Variants in CEBPZ observed in about 807,000 individuals in gnomAD.
CEBPZ encodes the protein CCAAT/enhancer-binding protein zeta.
CEBPZ carries 78 observed loss-of-function variants against 104.5 expected under a neutral mutation model. The observed-to-expected ratio is 0.75, with a 90% CI of 0.62 to 0.90. The LOEUF is 0.90. Ranked by LOEUF, CEBPZ falls within the 40% of genes least tolerant of loss-of-function variation. The pLI is 0.00. For missense variants in CEBPZ, 1,439 were observed against 1,233.5 expected (o/e 1.17, Z -2.50); for synonymous variants, 470 against 427.0 (o/e 1.10, Z -1.24).
intron 2 of CEBPZ, 133 bp downstream of exon 2, chr2:37,227,411 C>T (rs887277669): frequency 7.4e-6 from 5 of 676,962 alleles, no homozygotes; most frequent in Admixed American, 3.0e-5. Context: ...TTGAAGGTGG[C>T]GAGTAGCAAG....
Position 37,201,622 on chromosome 2 carries a change from AG to A in CEBPZ, c.*141del. ...ATGCTTCCACATGACTTTATAAATG[AG>A]AGCTATTTTTATTTATAGTTTATTA... On this transcript the variant is annotated 3_prime_UTR_variant, in exon 16 of 16. Coordinates refer to ENST00000234170, the MANE Select transcript of CEBPZ (RefSeq NM_005760.3). 1 of 696,610 alleles carries A rather than the reference AG, an allele frequency of 1.4e-6. No individual in the cohort carries two copies. The highest frequency in any genetic ancestry group is 1.7e-5 in the South Asian group (1 of 60,392). 43.2% of individuals were successfully genotyped at this position (696,610 alleles called of 1,614,324 possible).
chr2:37,228,313 T>C lies in CEBPZ; in HGVS notation c.880A>G (p.Ile294Val), dbSNP rs376269100. 1 of 1,614,082 alleles carries C rather than the reference T, an allele frequency of 6.2e-7. No homozygotes were observed. The highest frequency in any genetic ancestry group is 1.3e-5 in the African/African-American group (1 of 74,938). Residue 294 changes from isoleucine (I) to valine (V), a missense_variant, in exon 2 of 16, where the codon ATC becomes GTC. Coordinates refer to ENST00000234170, the MANE Select transcript of CEBPZ (RefSeq NM_005760.3). ...CGATTGTCTGGCAAAAGGTCTGTGA[T>C]AAGCAACTCTTTGAAAGTATCCAAG... The part of the protein sequence containing the change: ...MALDTFKELL[I>V]TDLLPDNRKL...
At chr2:37,213,758 A>G (rs906275852) in intron 10 of CEBPZ, 106 bp downstream of exon 10, 6 of 715,618 alleles carry the variant, frequency 8.4e-6, no homozygotes, top group Admixed American at 6.0e-5. Context: ...TGATATTCTT[A>G]GCTAAGTGAT....
At chr2:37,212,510 A>C (rs981639943) in intron 10 of CEBPZ, 118 bp from the exon 11 acceptor site, 4 of 820,534 alleles carry the variant, frequency 4.9e-6, no homozygotes, top group Non-Finnish European at 8.1e-6. Flanking sequence ...GTGAACACCA[A>C]AACAATGTAA....
Position 37,201,734 on chromosome 2 carries a change from G to C in CEBPZ, c.*30C>G. The C allele has an allele frequency of 8.1e-7, 1 of 1,234,550 alleles. No homozygotes were observed. Among genetic ancestry groups the C allele is most frequent in the African/African-American group, 1.5e-5 (1 of 67,000 alleles). The allele number at this position is 1,234,550 out of a possible 1,614,324, so 76.5% of individuals were successfully genotyped here. On this transcript the variant is annotated 3_prime_UTR_variant, in exon 16 of 16. Coordinates refer to ENST00000234170, the MANE Select transcript of CEBPZ (RefSeq NM_005760.3). ...GAACAGCAAAAATTAGATGTAAGTAGAATTTTAATCTATAATTTACATTAA... is the reference window on the plus strand; with the variant it reads ...GAACAGCAAAAATTAGATGTAAGTACAATTTTAATCTATAATTTACATTAA...
Position 37,231,501 on chromosome 2 carries a change from C to T in CEBPZ, c.67G>A (p.Glu23Lys). 1 of 1,614,250 alleles carries T rather than the reference C, an allele frequency of 6.2e-7. No homozygotes were observed. The highest frequency in any genetic ancestry group is 1.3e-5 in the African/African-American group (1 of 75,070). ...TCCTCATCCTCCTCGTCCGGATCTT[C>T]TACTGCCTCCTCGGGGCGCCAAGGC... ...KRPWRPEEAVEDPDEEDEDNT... is the reference protein window; with the variant it reads ...KRPWRPEEAVKDPDEEDEDNT... The change falls in exon 1 of 16, where the codon GAA (glutamate) becomes AAA (lysine). Residue 23 changes from glutamate to lysine, a missense_variant. By Grantham distance (56) the Glu-to-Lys change is moderately conservative (BLOSUM62 1). Coordinates refer to ENST00000234170, the MANE Select transcript of CEBPZ (RefSeq NM_005760.3).
intron 13 of CEBPZ, chr2:37,209,225 C>T (rs2148344538): frequency 6.6e-6 from 1 of 152,102 alleles, no homozygotes; most frequent in East Asian, 1.9e-4. Flanking sequence ...CTGCCAAAAG[C>T]AATCTATAAA....
In CEBPZ at chr2:37,202,984, A is replaced by G; in HGVS notation, c.2909T>C (p.Leu970Ser). Reference protein sequence around the residue: ...FQGPRKKKRNLNDSSLFVSAE... With the variant: ...FQGPRKKKRNSNDSSLFVSAE... ...AGATACAAATAGGCTGGAATCATTT[A>G]AGTTTCTTTTCTTTTTTCTTGGCCC... Residue 970 changes from leucine to serine, a missense_variant, in exon 14 of 16, where the codon TTA becomes TCA. Transcript: ENST00000234170. 1 of 1,554,876 alleles carries G rather than the reference A, an allele frequency of 6.4e-7. No individual in the cohort carries two copies. Among genetic ancestry groups the G allele is most frequent in the Non-Finnish European group, 8.7e-7 (1 of 1,154,230 alleles).
intron 13 of CEBPZ, 125 bp from the exon 14 acceptor site, chr2:37,203,133 A>G: frequency 1.7e-6 from 1 of 575,614 alleles, no homozygotes; most frequent in South Asian, 3.2e-5. Flanking sequence ...ATCTTCTGGC[A>G]CCATTGGGTA....
chr2:37,222,625 G>T, intron 3 of CEBPZ, 62 bp from the exon 4 acceptor site: 1 of 1,226,882 alleles, frequency 8.2e-7, no homozygotes, highest in Non-Finnish European at 1.1e-6. Flanking sequence ...TAAAGTCTGT[G>T]CTCCATTATG....
Position 37,227,771 on chromosome 2 carries a change from T to A in CEBPZ, c.1422A>T (p.Lys474Asn). ...GCATTTTTGATTCAACATCTTTTTT[T>A]TTGACACAAGTCCGAAAAAAGCAAA... ...VYFCFFRTCV[K>N]KKDVESKMLS... Residue 474 changes from lysine (K) to asparagine (N), a missense_variant, in exon 2 of 16, where the codon AAA (lysine) becomes AAT (asparagine). By Grantham distance (94) the Lys-to-Asn change is moderately conservative (BLOSUM62 0). Coordinates refer to ENST00000234170, the MANE Select transcript of CEBPZ (RefSeq NM_005760.3). 6.2e-7 allele frequency: 1 copy of A among 1,613,914 alleles called. No homozygotes were observed. Among genetic ancestry groups the A allele is most frequent in the Non-Finnish European group, 8.5e-7 (1 of 1,179,992 alleles).
intron 13 of CEBPZ, chr2:37,209,097 G>A (rs1677636445): frequency 6.6e-6 from 1 of 151,424 alleles, no homozygotes; most frequent in Admixed American, 6.6e-5. Flanking sequence ...TCAAGGAGGT[G>A]AAAGATCTCT....
chr2:37,207,575 C>A (rs1677581330), intron 13 of CEBPZ, among the ~76,000 whole-genome samples: 1 of 152,046 alleles, frequency 6.6e-6, no homozygotes, highest in Non-Finnish European at 1.5e-5. Context: ...ACAATGAAAT[C>A]AAGATGGAAA....
intron 13 of CEBPZ, among the ~76,000 whole-genome samples, chr2:37,206,636 G>A (rs934904449): frequency 6.6e-6 from 1 of 152,176 alleles, no homozygotes; most frequent in Non-Finnish European, 1.5e-5. Context: ...GATTACAGGT[G>A]TGAGCCACTA....
chr2:37,220,759 G>A (rs1334819828), intron 4 of CEBPZ, among the ~76,000 whole-genome samples: 2 of 152,200 alleles, frequency 1.3e-5, no homozygotes, highest in Non-Finnish European at 2.9e-5. Flanking sequence ...GGGAGGCTGA[G>A]GCGAGTGGAT....
In CEBPZ at chr2:37,228,729, G is replaced by T. The variant is rs1009433944; in HGVS notation, c.464C>A (p.Thr155Asn). ...PEPHSDENGS[T>N]TPKVKKDKQN... The stretch of plus-strand genomic sequence containing the variant: ...TTTATCTTTCTTTACTTTCGGTGTG[G>T]TACTGCCATTCTCATCAGAATGTGG... The change falls in exon 2 of 16, where the codon ACC becomes AAC. Residue 155 changes from threonine (T) to asparagine (N), a missense_variant. Thr to Asn is a moderately conservative substitution (Grantham distance 65, BLOSUM62 0). Transcript: ENST00000234170. The T allele has an allele frequency of 3.7e-6, 6 of 1,613,946 alleles. No individual in the cohort carries two copies. In the African/African-American group the frequency reaches 8.0e-5, roughly 22 times the overall value.
At chr2:37,206,578 G>A (rs937766768) in intron 13 of CEBPZ, among the ~76,000 whole-genome samples, 1 of 152,090 alleles carries the variant, frequency 6.6e-6, no homozygotes, top group Non-Finnish European at 1.5e-5. Context: ...GGCTGGTCTT[G>A]AACTCCTGAC....
intron 10 of CEBPZ, among the ~76,000 whole-genome samples, chr2:37,212,931 C>T (rs1220591368): frequency 2.6e-5 from 4 of 151,440 alleles, no homozygotes; most frequent in African/African-American, 7.3e-5. Flanking sequence ...CCCAGCTACC[C>T]GTGGGGCTGA....
Position 37,228,838 on chromosome 2 carries a change from T to G in CEBPZ, c.355A>C (p.Lys119Gln). Residue 119 changes from lysine (K) to glutamine (Q), a missense_variant, in exon 2 of 16, where the codon AAA becomes CAA. Physicochemically the swap from Lys to Gln is moderately conservative, Grantham distance 53. Coordinates refer to ENST00000234170, the MANE Select transcript of CEBPZ (RefSeq NM_005760.3). ...EKENSSKKEV[K>Q]IPKINNKNTA... ...TTTTTATTATTTATTTTAGGTATTT[T>G]TACTTCTTTTTTGCTGGAATTTTCT... The G allele has an allele frequency of 6.2e-7, 1 of 1,601,740 alleles. No homozygotes were observed. Among genetic ancestry groups the G allele is most frequent in the Non-Finnish European group, 8.5e-7 (1 of 1,176,408 alleles).
Sources: gnomAD v4.1 joint callset for allele counts (sites outside exome capture counted in the v4.1 genomes callset) on GRCh38, gnomAD v4.1.1 for gene constraint, MANE v1.5 for transcripts, NCBI Gene and HGNC (gene_info 2026-07-23, HGNC 2026-07-21) for gene names.